ATXN10: variants seen among roughly 807,000 people sequenced by gnomAD.
ATXN10 encodes the protein ataxin 10, also known as ataxin-10.
Under a neutral mutation model 52.9 loss-of-function variants are expected in ATXN10, and 28 were observed. The observed-to-expected ratio is 0.53, with a 90% CI of 0.39 to 0.73. The LOEUF (loss-of-function observed/expected upper bound fraction) is 0.73, where lower values mean the gene tolerates loss of function less well. Ranked by LOEUF, ATXN10 falls within the 30% of genes least tolerant of loss-of-function variation. The probability of loss-of-function intolerance (pLI) is 0.00; values close to 1 mark genes in which losing one functional copy is unlikely to be tolerated. For missense variants in ATXN10, 565 were observed against 577.0 expected (o/e 0.98, Z 0.21); for synonymous variants, 226 against 221.5 (o/e 1.02, Z -0.18).
rs1926588290 is a variant in ATXN10 at position 45,766,576 on chromosome 22, A to G, written c.1173+26038A>G. 6.6e-6 allele frequency among the ~76,000 whole-genome samples: 1 copy of G among 152,222 alleles called. No homozygotes were observed. Among genetic ancestry groups the G allele is most frequent in the South Asian group, 2.1e-4 (1 of 4,822 alleles). On this transcript the variant is annotated intron_variant, in intron 9 of 11. Coordinates refer to ENST00000252934, the MANE Select transcript of ATXN10 (RefSeq NM_013236.4). This position sits in a 1 kb window ranked among gnomAD's most constrained non-coding sequence, Gnocchi z 4.6. Reference sequence around the variant, plus strand: ...TGTAAATGGCACAGGTGTAAATGTAACAGCACCTGAACCCATGCAAGTATT... The same window carrying G: ...TGTAAATGGCACAGGTGTAAATGTAGCAGCACCTGAACCCATGCAAGTATT...
At chr22:45,755,974 A>G (rs889358174) in intron 9 of ATXN10, among the ~76,000 whole-genome samples, 2 of 150,552 alleles carry the variant, frequency 1.3e-5, no homozygotes, top group African/African-American at 4.9e-5. Flanking sequence ...CCCCAGACCC[A>G]TGCTCTGCAC....
Position 45,795,411 on chromosome 22 carries a change from T to TTCTAG in ATXN10, c.1174-11544_1174-11543insGTCTA, listed in dbSNP as rs1927691298. On this transcript the variant is annotated intron_variant, in intron 9 of 11. Transcript: ENST00000252934. The surrounding 1 kb of genome is among the most constrained non-coding windows in gnomAD (Gnocchi z 4.6). ...TTCTATTCTATTCTATTCTATTCTA[T>TTCTAG]TCTATTCTATTCTTTTTGAGATGAA... Among the ~76,000 whole-genome samples, 1 of 150,238 alleles carries TTCTAG rather than the reference T, an allele frequency of 6.7e-6. No homozygotes were observed. Among genetic ancestry groups the TTCTAG allele is most frequent in the Non-Finnish European group, 1.5e-5 (1 of 67,798 alleles).
At chr22:45,797,643 C>T (rs1180665305) in intron 9 of ATXN10, among the ~76,000 whole-genome samples, 1 of 151,792 alleles carries the variant, frequency 6.6e-6, no homozygotes, top group Non-Finnish European at 1.5e-5. Flanking sequence ...GTAATAAAAC[C>T]AAGAGTAGAT....
intron 9 of ATXN10, among the ~76,000 whole-genome samples, chr22:45,796,997 T>A (rs1001537577): frequency 2.0e-5 from 3 of 152,182 alleles, no homozygotes; most frequent in African/African-American, 7.2e-5. Context: ...AGAGTGATAT[T>A]TCATAATGAT....
rs1321876255 is a variant in ATXN10 at position 45,684,896 on chromosome 22, GA to G, written c.117-4815del. ...CAATCCTGCCCAGTCAAATCAGCAA[GA>G]TTATGGTTTTAGATAACAACCAGTG... On this transcript the variant is annotated intron_variant, in intron 1 of 11. Transcript: ENST00000252934. The surrounding 1 kb of genome is among the most constrained non-coding windows in gnomAD (Gnocchi z 4.1). 6.6e-6 allele frequency among the ~76,000 whole-genome samples: 1 copy of G among 152,202 alleles called. No homozygotes were observed. The highest frequency in any genetic ancestry group is 1.5e-5 in the Non-Finnish European group (1 of 68,028).
intron 5 of ATXN10, among the ~76,000 whole-genome samples, chr22:45,710,598 C>T (rs1439129409): frequency 3.3e-5 from 5 of 152,192 alleles, no homozygotes; most frequent in Admixed American, 6.5e-5. Context: ...ATCATTCTAT[C>T]CAAAGCACCT....
chr22:45,676,707 G>A (rs1257495308), intron 1 of ATXN10: 3 of 152,102 alleles, frequency 2.0e-5, no homozygotes, highest in South Asian at 2.1e-4. Context: ...TTGAACTCCC[G>A]ACCTCAGGTG....
rs1414798778 is a variant in ATXN10, at chr22:45,732,100, T to TA, written c.894+2511dup. On this transcript the variant is annotated intron_variant, in intron 7 of 11. Transcript: ENST00000252934. The surrounding 1 kb of genome is among the most constrained non-coding windows in gnomAD (Gnocchi z 4.5). ...AACTTTTCATATTTAGGAAAACTTC[T>TA]ATTTTTCCTTTGGACTTTTTTCTCT... is the stretch of plus-strand genomic sequence containing the variant. 1.3e-5 allele frequency among the ~76,000 whole-genome samples: 2 copies of TA among 152,240 alleles called. No individual in the cohort carries two copies. The highest frequency in any genetic ancestry group is 2.9e-5 in the Non-Finnish European group (2 of 68,038).
intron 1 of ATXN10, among the ~76,000 whole-genome samples, chr22:45,685,856 T>A (rs1923115469): frequency 1.3e-5 from 2 of 152,162 alleles, no homozygotes; most frequent in South Asian, 4.1e-4. Flanking sequence ...ACTGACACCA[T>A]TTATAAAAGG....
At position 45,683,608 on chromosome 22, in the gene ATXN10, C is replaced by CT. The variant is rs1923017051; in HGVS notation, c.117-6102dup. Among the ~76,000 whole-genome samples, 1 of 151,438 alleles carries CT rather than the reference C, an allele frequency of 6.6e-6. No individual in the cohort carries two copies. The highest frequency in any genetic ancestry group is 2.4e-5 in the African/African-American group (1 of 41,394). ...TTTTAAAATAAGGTTTAAATAATAT[C>CT]TTATGTACAAAATCTTTCTCTAAGC... On this transcript the variant is annotated intron_variant, in intron 1 of 11. Transcript: ENST00000252934. The surrounding 1 kb of genome is among the most constrained non-coding windows in gnomAD (Gnocchi z 4.8).
chr22:45,762,329 A>G lies in ATXN10; in HGVS notation c.1173+21791A>G, dbSNP rs1403207472. 6.6e-6 allele frequency among the ~76,000 whole-genome samples: 1 copy of G among 152,164 alleles called. No individual in the cohort carries two copies. The highest frequency in any genetic ancestry group is 1.5e-5 in the Non-Finnish European group (1 of 68,034). ...CTTGACAGAGGGCCTGACCCAGGGTAGGCACTCCCGCTTCATGACTACATC... is the reference window on the plus strand; with the variant it reads ...CTTGACAGAGGGCCTGACCCAGGGTGGGCACTCCCGCTTCATGACTACATC... On this transcript the variant is annotated intron_variant, in intron 9 of 11. Coordinates refer to ENST00000252934, the MANE Select transcript of ATXN10 (RefSeq NM_013236.4). This position sits in a 1 kb window ranked among gnomAD's most constrained non-coding sequence, Gnocchi z 4.3.
intron 9 of ATXN10, among the ~76,000 whole-genome samples, chr22:45,746,282 C>G (rs994495692): frequency 6.7e-6 from 1 of 149,032 alleles, no homozygotes; most frequent in African/African-American, 2.5e-5. Flanking sequence ...TATCTAGTTG[C>G]AAGGAGCCAA....
At chr22:45,717,831 G>C (rs138155) in intron 5 of ATXN10, among the ~76,000 whole-genome samples, 108,809 of 152,072 alleles carry the variant, frequency 0.72, 39,208 homozygotes, top group African/African-American at 0.79. Flanking sequence ...ATTAATAATA[G>C]TGTTGAATCT....
chr22:45,672,785 G>A (rs1405494330), intron 1 of ATXN10: 1 of 152,656 alleles, frequency 6.6e-6, no homozygotes, highest in South Asian at 2.1e-4. Context: ...CAGGCAAAAA[G>A]AGAAGGTGCC....
At chr22:45,829,014 A>C (rs1293664264) in intron 10 of ATXN10, among the ~76,000 whole-genome samples, 1 of 152,206 alleles carries the variant, frequency 6.6e-6, no homozygotes, top group African/African-American at 2.4e-5. Flanking sequence ...TACTAAAAGA[A>C]TTACACACCA....
chr22:45,807,740 G>A (rs370674075), intron 10 of ATXN10, among the ~76,000 whole-genome samples: 1 of 152,150 alleles, frequency 6.6e-6, no homozygotes. Context: ...TTAATTTCAC[G>A]AACTTCCCTG....
chr22:45,803,771 C>T (rs75498903), intron 9 of ATXN10, among the ~76,000 whole-genome samples: 13,496 of 152,122 alleles, frequency 0.089, 765 homozygotes, highest in Middle Eastern at 0.16. Context: ...TGCTGGTAGA[C>T]GTGGGGCAGG....
At position 45,805,518 on chromosome 22, in the gene ATXN10, C is replaced by G. The variant is rs1033566941; in HGVS notation, c.1174-1441C>G. On this transcript the variant is annotated intron_variant, in intron 9 of 11. Transcript: ENST00000252934. The surrounding 1 kb of genome is among the most constrained non-coding windows in gnomAD (Gnocchi z 4.4). ...CGTACAATGCACTGTTCACGTTACT[C>G]AGCCGTGAAAAGAAATGAAGCGCTG... Among the ~76,000 whole-genome samples the G allele has an allele frequency of 6.6e-6, 1 of 152,174 alleles. No individual in the cohort carries two copies. Among genetic ancestry groups the G allele is most frequent in the Admixed American group, 6.5e-5 (1 of 15,276 alleles).
rs1027264444 is a variant in ATXN10 at position 45,784,944 on chromosome 22, T to G, written c.1174-22015T>G. 2.6e-5 allele frequency among the ~76,000 whole-genome samples: 4 copies of G among 152,234 alleles called. No homozygotes were observed. The highest frequency in any genetic ancestry group is 1.5e-5 in the Non-Finnish European group (1 of 68,038). ...AATGTGTTCATGACAGAATTCTGTT[T>G]GTTCAGGCACTGAAGTATGACATTG... On this transcript the variant is annotated intron_variant, in intron 9 of 11. Transcript: ENST00000252934. This position sits in a 1 kb window ranked among gnomAD's most constrained non-coding sequence, Gnocchi z 4.2.
Sources: gnomAD v4.1 joint callset for allele counts (sites outside exome capture counted in the v4.1 genomes callset) on GRCh38, gnomAD v4.1.1 for gene constraint, Gnocchi (gnomAD v3.1) non-coding constraint, MANE v1.5 for transcripts, NCBI Gene and HGNC (gene_info 2026-07-23, HGNC 2026-07-21) for gene names.